Variants in TMTC1 observed in about 807,000 individuals in gnomAD.
The protein encoded by TMTC1 is protein O-mannosyl-transferase TMTC1.
In TMTC1, 73 loss-of-function variants were observed where a neutral mutation model predicts 104.8. That is an observed-to-expected ratio of 0.70 (90% CI 0.58 to 0.85). TMTC1 has a LOEUF of 0.85. Ranked by LOEUF, TMTC1 falls within the 40% of genes least tolerant of loss-of-function variation. TMTC1 has a pLI of 0.00. For synonymous variants in TMTC1, 434 were observed against 428.7 expected, an observed-to-expected ratio of 1.01 and a Z score of -0.15; for missense variants, 1,035 against 1,096.1, an observed-to-expected ratio of 0.94 and a Z score of 0.79.
At chr12:29,538,908 T>G (rs1944718064) in intron 10 of TMTC1, among the ~76,000 whole-genome samples, 2 of 152,198 alleles carry the variant, frequency 1.3e-5, no homozygotes, top group African/African-American at 4.8e-5. Context: ...TCCTGGAGGA[T>G]TCTCCTTTTG....
chr12:29,664,222 A>G lies in TMTC1; in HGVS notation c.939-30886T>C, dbSNP rs557819070. ...AAATAAAAAATAAAAAAATAAAAAA[A>G]TAAAAAAAATAAAATAAAATAAAAT... On this transcript the variant is annotated intron_variant, in intron 5 of 17. Coordinates refer to ENST00000539277, the MANE Select transcript of TMTC1 (RefSeq NM_001193451.2). Among the ~76,000 whole-genome samples, 284 of 150,686 alleles carry G rather than the reference A, an allele frequency of 1.9e-3. 3 individuals carry two copies. The Middle Eastern group carries it at 0.024, about 13-fold the overall frequency.
chr12:29,753,683 C>T (rs928530384), intron 4 of TMTC1, among the ~76,000 whole-genome samples: 5 of 152,222 alleles, frequency 3.3e-5, no homozygotes, highest in East Asian at 1.9e-4. Context: ...ATCAATCACT[C>T]GTCAAATTAC....
At chr12:29,646,980 A>G (rs1253884872) in intron 5 of TMTC1, among the ~76,000 whole-genome samples, 1 of 152,150 alleles carries the variant, frequency 6.6e-6, no homozygotes, top group Non-Finnish European at 1.5e-5. Flanking sequence ...CAGGTCTGGT[A>G]ATCACACCTC....
intron 5 of TMTC1, among the ~76,000 whole-genome samples, chr12:29,718,717 A>G (rs1942149437): frequency 6.6e-6 from 1 of 152,130 alleles, no homozygotes; most frequent in African/African-American, 2.4e-5. Flanking sequence ...GTGGATCATG[A>G]GGTGAGGAGA....
Position 29,604,167 on chromosome 12 carries a change from G to A in TMTC1, c.1250+11C>T, listed in dbSNP as rs201672901. The A allele has an allele frequency of 1.1e-5, 18 of 1,613,088 alleles. No homozygotes were observed. In the South Asian group the frequency reaches 1.9e-4, roughly 17 times the overall value. The stretch of plus-strand genomic sequence containing the variant: ...CAGGTCTTGTAGGAGGAAGTCACGT[G>A]CAATAGTTACCTAGGCATGTAAAGG... On this transcript the variant is annotated intron_variant, in intron 7 of 17. Transcript: ENST00000539277.
At chr12:29,684,079 A>G (rs1216011103) in intron 5 of TMTC1, among the ~76,000 whole-genome samples, 1 of 152,208 alleles carries the variant, frequency 6.6e-6, no homozygotes, top group East Asian at 1.9e-4. Context: ...CCTGAGTTCA[A>G]GCAATCCGCC....
intron 5 of TMTC1, among the ~76,000 whole-genome samples, chr12:29,667,017 GAA>G (rs760913233): frequency 6.6e-6 from 1 of 152,032 alleles, no homozygotes; most frequent in South Asian, 2.1e-4. Context: ...TGAAACTCAA[GAA>G]AAAAGATTTC....
Position 29,513,060 on chromosome 12 carries a change from G to A in TMTC1, c.2431-940C>T, listed in dbSNP as rs557259800. On this transcript the variant is annotated intron_variant, in intron 16 of 17. Coordinates refer to ENST00000539277, the MANE Select transcript of TMTC1 (RefSeq NM_001193451.2). ...AAAAGCTGCTAAAATAAACCAAAAGGGTGTGTCTCTTGGATTAATTTATAT... is the reference window on the plus strand; with the variant it reads ...AAAAGCTGCTAAAATAAACCAAAAGAGTGTGTCTCTTGGATTAATTTATAT... Among the ~76,000 whole-genome samples, 16 of 152,186 alleles carry A rather than the reference G, an allele frequency of 1.1e-4. No individual in the cohort carries two copies. The South Asian group carries it at 3.3e-3, about 32-fold the overall frequency.
intron 5 of TMTC1, among the ~76,000 whole-genome samples, chr12:29,747,375 G>C (rs775329998): frequency 3.9e-5 from 6 of 152,032 alleles, no homozygotes; most frequent in Non-Finnish European, 7.4e-5. Flanking sequence ...TCAACTCTAG[G>C]CTTTTCATTA....
intron 9 of TMTC1, among the ~76,000 whole-genome samples, chr12:29,566,391 G>A (rs906101046): frequency 1.2e-4 from 19 of 152,236 alleles, no homozygotes; most frequent in African/African-American, 3.9e-4. Context: ...CTGCAGGGCC[G>A]CCCACTTTCC....
At position 29,504,505 on chromosome 12, in the gene TMTC1, CT is replaced by C. The variant is rs888600780; in HGVS notation, c.*2340del. The C allele has an allele frequency of 5.3e-5, 8 of 152,096 alleles. No homozygotes were observed. In the East Asian group the frequency reaches 1.5e-3, roughly 29 times the overall value. The allele number at this position is 152,096 out of a possible 1,614,324, so 9.4% of individuals were successfully genotyped here. ...AAGTATCTGATCCAACAAATAATTA[CT>C]TTTTTAAAAAACAGTGCTTACTTTT... On this transcript the variant is annotated 3_prime_UTR_variant, in exon 18 of 18. Transcript: ENST00000539277.
chr12:29,568,191 T>A (rs899112453), intron 9 of TMTC1, among the ~76,000 whole-genome samples: 2 of 152,152 alleles, frequency 1.3e-5, no homozygotes, highest in African/African-American at 4.8e-5. Context: ...AATTAAATAG[T>A]GAGTGGAGAT....
At chr12:29,623,555 C>G (rs1037589480) in intron 6 of TMTC1, among the ~76,000 whole-genome samples, 3 of 152,194 alleles carry the variant, frequency 2.0e-5, no homozygotes, top group Admixed American at 2.0e-4. Flanking sequence ...TGGCTCATGC[C>G]TGTAATCCCA....
intron 5 of TMTC1, among the ~76,000 whole-genome samples, chr12:29,700,343 C>T (rs1440210730): frequency 6.6e-6 from 1 of 151,886 alleles, no homozygotes; most frequent in African/African-American, 2.4e-5. Flanking sequence ...CGCCATTCTC[C>T]TGCCTCAGCC....
intron 5 of TMTC1, among the ~76,000 whole-genome samples, chr12:29,666,508 C>T (rs1338070286): frequency 1.3e-5 from 2 of 152,018 alleles, no homozygotes; most frequent in African/African-American, 4.8e-5. Context: ...GCTGGGATTA[C>T]AGGTGTGAGC....
chr12:29,777,129 T>C (rs1943728823), intron 1 of TMTC1, among the ~76,000 whole-genome samples: 2 of 151,994 alleles, frequency 1.3e-5, no homozygotes, highest in South Asian at 4.2e-4. Context: ...AGAGTCTCGC[T>C]CTGTTGCCAG....
In TMTC1 at chr12:29,699,351, G is replaced by A. The variant is rs75631281; in HGVS notation, c.938+52315C>T. 3.5e-4 allele frequency among the ~76,000 whole-genome samples: 53 copies of A among 152,154 alleles called. No individual in the cohort carries two copies. The East Asian group carries it at 8.7e-3, about 25-fold the overall frequency. On this transcript the variant is annotated intron_variant, in intron 5 of 17. Coordinates refer to ENST00000539277, the MANE Select transcript of TMTC1 (RefSeq NM_001193451.2). ...AAAATAATCTATAACATAAAAATGA[G>A]AAACCAAGCTCTGAGAAAACAGTAA...
intron 5 of TMTC1, among the ~76,000 whole-genome samples, chr12:29,745,590 C>T (rs1447429731): frequency 7.8e-6 from 1 of 127,498 alleles, no homozygotes; most frequent in East Asian, 2.6e-4. Flanking sequence ...CACTGTACTC[C>T]AGCCTGAGCA....
intron 10 of TMTC1, among the ~76,000 whole-genome samples, chr12:29,547,710 GAA>G (rs979643159): frequency 6.6e-6 from 1 of 152,186 alleles, no homozygotes; most frequent in African/African-American, 2.4e-5. Flanking sequence ...GGAGAGGAGT[GAA>G]GAATAAGGAG....
Sources: allele counts gnomAD v4.1 joint callset (sites outside exome capture counted in the v4.1 genomes callset), GRCh38; gene constraint gnomAD v4.1.1; transcripts MANE v1.5; gene names NCBI Gene and HGNC (gene_info 2026-07-23, HGNC 2026-07-21).